SORCS1: variants seen among roughly 807,000 people sequenced by gnomAD.
SORCS1 encodes the protein VPS10 domain-containing receptor SorCS1.
In SORCS1, 60 loss-of-function variants were observed where a neutral mutation model predicts 146.1. The observed-to-expected ratio is 0.41, with a 90% CI of 0.33 to 0.51. SORCS1 has a LOEUF of 0.51. SORCS1 is among the 20% of genes least tolerant of loss of function. The pLI is 0.21. For synonymous variants in SORCS1, 637 were observed against 584.0 expected, an observed-to-expected ratio of 1.09 and a Z score of -1.31; for missense variants, 1,352 against 1,487.6, an observed-to-expected ratio of 0.91 and a Z score of 1.50.
At chr10:107,163,659 T>G (rs1425411014) in intron 1 of SORCS1, among the ~76,000 whole-genome samples, 2 of 152,188 alleles carry the variant, frequency 1.3e-5, no homozygotes, top group Non-Finnish European at 2.9e-5. Flanking sequence ...TAGGAGAACT[T>G]TAACCCCTCT....
At chr10:106,967,619 A>G (rs1955559456) in intron 1 of SORCS1, among the ~76,000 whole-genome samples, 1 of 152,178 alleles carries the variant, frequency 6.6e-6, no homozygotes, top group Admixed American at 6.5e-5. Context: ...GCAACTTAGC[A>G]TGGTTGTCTC....
intron 1 of SORCS1, among the ~76,000 whole-genome samples, chr10:106,983,188 C>CTATACATATTTCTATATATAAA (rs1564886301): frequency 4.1e-5 from 6 of 146,516 alleles, no homozygotes; most frequent in African/African-American, 1.5e-4. Context: ...ACATATTTCT[C>CTATACATATTTCTATATATAAA]TATATATACA....
At chr10:106,800,758 G>T (rs1027989841) in intron 3 of SORCS1, among the ~76,000 whole-genome samples, 3 of 151,974 alleles carry the variant, frequency 2.0e-5, no homozygotes, top group Admixed American at 2.0e-4. Flanking sequence ...AGCCAGGATG[G>T]TCTCGATCTC....
intron 1 of SORCS1, among the ~76,000 whole-genome samples, chr10:107,029,421 C>G (rs1219903866): frequency 6.6e-6 from 1 of 152,184 alleles, no homozygotes; most frequent in East Asian, 1.9e-4. Context: ...ATACACTTCT[C>G]ATTCACGCAT....
At chr10:106,698,749 G>A (rs1277302384) in intron 9 of SORCS1, among the ~76,000 whole-genome samples, 7 of 152,156 alleles carry the variant, frequency 4.6e-5, no homozygotes, top group African/African-American at 1.2e-4. Context: ...ATTAGCCAAG[G>A]GAGCTTATTT....
At chr10:106,894,447 G>A (rs950412332) in intron 2 of SORCS1, among the ~76,000 whole-genome samples, 1 of 152,030 alleles carries the variant, frequency 6.6e-6, no homozygotes, top group African/African-American at 2.4e-5. Flanking sequence ...GAATTATAAG[G>A]GCTAAACAGA....
At chr10:106,649,702 T>C (rs184477937) in intron 18 of SORCS1, among the ~76,000 whole-genome samples, 20 of 152,262 alleles carry the variant, frequency 1.3e-4, no homozygotes, top group Admixed American at 1.0e-3. Context: ...ATGATTCAGG[T>C]TCCTTATCTC....
At chr10:107,001,394 A>AG in intron 1 of SORCS1, among the ~76,000 whole-genome samples, 1 of 152,162 alleles carries the variant, frequency 6.6e-6, no homozygotes, top group East Asian at 1.9e-4. Context: ...TACAGAACAG[A>AG]GGGGGGTCAA....
At chr10:107,077,080 CTT>C (rs926520004) in intron 1 of SORCS1, among the ~76,000 whole-genome samples, 1 of 152,084 alleles carries the variant, frequency 6.6e-6, no homozygotes, top group African/African-American at 2.4e-5. Flanking sequence ...CAACCAATCA[CTT>C]TTATCTTCCT....
intron 2 of SORCS1, among the ~76,000 whole-genome samples, chr10:106,926,854 CACACACACACACAGAGAGAG>C (rs1398790680): frequency 5.7e-5 from 6 of 104,944 alleles, no homozygotes; most frequent in South Asian, 2.7e-4. Flanking sequence ...CACACACACA[CACACACACACACAGAGAGAG>C]AGAGAGAGAG....
At chr10:106,709,055 A>G (rs956207561) in intron 7 of SORCS1, among the ~76,000 whole-genome samples, 168 bp downstream of exon 7, 3 of 152,038 alleles carry the variant, frequency 2.0e-5, no homozygotes, top group African/African-American at 7.3e-5. Context: ...CACACTCACT[A>G]ATTATCCTTT....
chr10:106,755,191 G>A (rs957956760), intron 5 of SORCS1, among the ~76,000 whole-genome samples: 1 of 152,126 alleles, frequency 6.6e-6, no homozygotes, highest in African/African-American at 2.4e-5. Context: ...GTCAAATGCG[G>A]CACCTTAGCT....
At chr10:106,906,377 G>C (rs920952449) in intron 2 of SORCS1, among the ~76,000 whole-genome samples, 1 of 152,198 alleles carries the variant, frequency 6.6e-6, no homozygotes, top group Non-Finnish European at 1.5e-5. Flanking sequence ...GCCTCCCAAA[G>C]TGCTGGGATT....
At chr10:107,111,014 C>T (rs192244143) in intron 1 of SORCS1, among the ~76,000 whole-genome samples, 41 of 152,286 alleles carry the variant, frequency 2.7e-4, no homozygotes, top group African/African-American at 7.7e-4. Context: ...CCAGCTCAAT[C>T]GCCACAAGAC....
chr10:107,159,026 G>T (rs1214101152), intron 1 of SORCS1, among the ~76,000 whole-genome samples: 1 of 150,662 alleles, frequency 6.6e-6, no homozygotes, highest in Non-Finnish European at 1.5e-5. Context: ...GGGAAGGGGG[G>T]TCCAAAGTTA....
intron 2 of SORCS1, among the ~76,000 whole-genome samples, chr10:106,925,102 G>C (rs1462802004): frequency 6.6e-6 from 1 of 151,910 alleles, no homozygotes; most frequent in Admixed American, 6.6e-5. Flanking sequence ...TTGAGTATTT[G>C]CAAATTAAAA....
chr10:107,173,548 A>G, the SORCS1 span, among the ~76,000 whole-genome samples: 2 of 152,200 alleles, frequency 1.3e-5, no homozygotes, highest in Non-Finnish European at 2.9e-5. Context: ...GAAGTTCTTA[A>G]TATGATGTAA....
At chr10:107,057,105 C>T (rs1960715972) in intron 1 of SORCS1, among the ~76,000 whole-genome samples, 3 of 152,062 alleles carry the variant, frequency 2.0e-5, no homozygotes, top group Non-Finnish European at 4.4e-5. Context: ...GGCTAGGACA[C>T]ACAAAGAAGT....
chr10:106,997,354 C>A (rs1293235071), intron 1 of SORCS1, among the ~76,000 whole-genome samples: 1 of 152,206 alleles, frequency 6.6e-6, no homozygotes, highest in Non-Finnish European at 1.5e-5. Context: ...CCCATGCTTG[C>A]AGCTTTGATA....
Sources: gnomAD v4.1 joint callset for allele counts (sites outside exome capture counted in the v4.1 genomes callset) on GRCh38, gnomAD v4.1.1 for gene constraint, MANE v1.5 for transcripts, NCBI Gene and HGNC (gene_info 2026-07-23, HGNC 2026-07-21) for gene names.